Variants in CRB1 observed in about 807,000 individuals in gnomAD.
CRB1 encodes the protein protein crumbs homolog 1.
A neutral mutation model predicts 120.0 loss-of-function variants in CRB1; 83 were observed. That is an observed-to-expected ratio of 0.69 (90% CI 0.58 to 0.83). CRB1 has a LOEUF of 0.83. Ranked by LOEUF, CRB1 falls within the 40% of genes least tolerant of loss-of-function variation. The pLI is 0.00. For missense variants in CRB1, 1,699 were observed against 1,687.6 expected (o/e 1.01, Z -0.12); for synonymous variants, 625 against 612.5 (o/e 1.02, Z -0.30).
chr1:197,357,340 T>C, intron 5 of CRB1: 3 of 375,004 alleles, frequency 8.0e-6, no homozygotes, highest in East Asian at 6.1e-5. Context: ...TTGATAATGA[T>C]GTTAAATTTT....
upstream of CRB1, among the ~76,000 whole-genome samples, chr1:197,264,435 T>C (rs185109133): frequency 2.0e-5 from 3 of 152,306 alleles, no homozygotes; most frequent in South Asian, 2.1e-4. Context: ...ATTAAACATA[T>C]AAAGTACAGG....
At chr1:197,329,934 T>G (rs1658751605) in intron 2 of CRB1, among the ~76,000 whole-genome samples, 1 of 152,178 alleles carries the variant, frequency 6.6e-6, no homozygotes, top group Non-Finnish European at 1.5e-5. Flanking sequence ...AAAGCCTTCC[T>G]GAGGCTTTCA....
chr1:197,208,278 T>C, the CRB1 span, among the ~76,000 whole-genome samples: 1 of 152,200 alleles, frequency 6.6e-6, no homozygotes, highest in African/African-American at 2.4e-5. Flanking sequence ...GTGATCTTTT[T>C]GTGTTGTTAA....
At chr1:197,332,668 G>A (rs957481704) in intron 2 of CRB1, among the ~76,000 whole-genome samples, 1 of 152,156 alleles carries the variant, frequency 6.6e-6, no homozygotes, top group African/African-American at 2.4e-5. Context: ...AATTACCCAG[G>A]GAGCTCTGAA....
At chr1:197,426,568 T>C (rs1664591511) in intron 6 of CRB1, among the ~76,000 whole-genome samples, 1 of 152,152 alleles carries the variant, frequency 6.6e-6, no homozygotes, top group Non-Finnish European at 1.5e-5. Flanking sequence ...TTTTTATTTT[T>C]ATACATCTCA....
chr1:197,396,739 C>T (rs1662791532), intron 5 of CRB1, among the ~76,000 whole-genome samples: 1 of 152,194 alleles, frequency 6.6e-6, no homozygotes, highest in African/African-American at 2.4e-5. Context: ...ACAAACAAAG[C>T]TAGCACAATG....
At chr1:197,294,037 G>A (rs1045875841) in intron 1 of CRB1, among the ~76,000 whole-genome samples, 3 of 152,124 alleles carry the variant, frequency 2.0e-5, no homozygotes, top group African/African-American at 7.2e-5. Context: ...CAAAAGCAAT[G>A]GCAACAAAAG....
At chr1:197,448,623 C>G (rs768103590) in intron 11 of CRB1, among the ~76,000 whole-genome samples, 1 of 152,202 alleles carries the variant, frequency 6.6e-6, no homozygotes, top group African/African-American at 2.4e-5. Context: ...TCCCACCTAA[C>G]CTGTCATTCC....
chr1:197,442,618 A>C (rs779441113), intron 11 of CRB1: 85 of 1,165,720 alleles, frequency 7.3e-5, no homozygotes, highest in Middle Eastern at 6.1e-4. Flanking sequence ...TAAATATGAA[A>C]AAAGTGTTCT....
the CRB1 span, among the ~76,000 whole-genome samples, chr1:197,245,196 T>C: frequency 6.6e-6 from 1 of 152,106 alleles, no homozygotes; most frequent in Non-Finnish European, 1.5e-5. Flanking sequence ...TATCTCCTAA[T>C]GCTATCCCTC....
At chr1:197,254,369 A>T in the CRB1 span, among the ~76,000 whole-genome samples, 1 of 152,100 alleles carries the variant, frequency 6.6e-6, no homozygotes, top group Non-Finnish European at 1.5e-5. Flanking sequence ...AGGGAGCTAA[A>T]GGTTTCAGTC....
intron 8 of CRB1, 149 bp downstream of exon 8, chr1:197,429,763 T>A (rs1428860509): frequency 6.1e-6 from 5 of 820,286 alleles, no homozygotes; most frequent in Non-Finnish European, 9.5e-6. Flanking sequence ...TAATACTGAC[T>A]GGCCTCTTGC....
chr1:197,255,120 T>G, the CRB1 span, among the ~76,000 whole-genome samples: 1 of 152,084 alleles, frequency 6.6e-6, no homozygotes. Context: ...TTGATAGCAG[T>G]GTGCTAAATT....
chr1:197,229,333 C>T, the CRB1 span, among the ~76,000 whole-genome samples: 1 of 152,106 alleles, frequency 6.6e-6, no homozygotes, highest in Non-Finnish European at 1.5e-5. Flanking sequence ...ATGACACAGC[C>T]ATTTTCTATA....
the CRB1 span, among the ~76,000 whole-genome samples, chr1:197,242,345 C>T: frequency 4.2e-4 from 64 of 152,156 alleles, no homozygotes; most frequent in South Asian, 0.012. Flanking sequence ...TTTTGAGATA[C>T]GTTTCATGAA....
At chr1:197,358,421 T>C (rs957426845) in intron 5 of CRB1, among the ~76,000 whole-genome samples, 2 of 152,234 alleles carry the variant, frequency 1.3e-5, no homozygotes, top group African/African-American at 4.8e-5. Flanking sequence ...GGGTGACCCC[T>C]TGAATCTGCA....
chr1:197,354,403 G>A (rs1003252539), intron 4 of CRB1, among the ~76,000 whole-genome samples: 2 of 152,102 alleles, frequency 1.3e-5, no homozygotes, highest in Admixed American at 1.3e-4. Flanking sequence ...ACAGACCCTC[G>A]CAGTGAGTGT....
intron 5 of CRB1, among the ~76,000 whole-genome samples, chr1:197,392,758 A>G (rs1662571700): frequency 6.6e-6 from 1 of 152,164 alleles, no homozygotes; most frequent in South Asian, 2.1e-4. Flanking sequence ...TGAATCAAAC[A>G]TAAAATATGC....
At chr1:197,385,543 A>G (rs1481281647) in intron 5 of CRB1, among the ~76,000 whole-genome samples, 2 of 152,114 alleles carry the variant, frequency 1.3e-5, no homozygotes, top group African/African-American at 2.4e-5. Context: ...GTTCAATAGT[A>G]CAAGTGATAT....
Sources: allele counts gnomAD v4.1 joint callset (sites outside exome capture counted in the v4.1 genomes callset), GRCh38; gene constraint gnomAD v4.1.1; transcripts MANE v1.5; gene names NCBI Gene and HGNC (gene_info 2026-07-23, HGNC 2026-07-21).